RABGAP1L: variants seen among roughly 807,000 people sequenced by gnomAD.
The protein encoded by RABGAP1L is rab GTPase-activating protein 1-like.
Under a neutral mutation model 137.7 loss-of-function variants are expected in RABGAP1L, and 63 were observed. The observed-to-expected ratio is 0.46, with a 90% CI of 0.37 to 0.56. RABGAP1L has a LOEUF of 0.56. Ranked by LOEUF, RABGAP1L falls within the 20% of genes least tolerant of loss-of-function variation. The probability of loss-of-function intolerance (pLI) is 0.00; values close to 1 mark genes in which losing one functional copy is unlikely to be tolerated. For synonymous variants in RABGAP1L, 431 were observed against 433.7 expected, an observed-to-expected ratio of 0.99 and a Z score of 0.08; for missense variants, 1,095 against 1,244.0, an observed-to-expected ratio of 0.88 and a Z score of 1.80.
At chr1:174,586,099 C>G (rs1025150676) in intron 13 of RABGAP1L, among the ~76,000 whole-genome samples, 1 of 151,972 alleles carries the variant, frequency 6.6e-6, no homozygotes, top group African/African-American at 2.4e-5. Flanking sequence ...GCACTATTCA[C>G]AATAACAAAG....
rs368796964 is a variant in RABGAP1L at position 174,934,398 on chromosome 1, A to G, written c.2341-23059A>G. On this transcript the variant is annotated intron_variant, in intron 19 of 25. Coordinates refer to ENST00000681986, the MANE Select transcript of RABGAP1L (RefSeq NM_001366446.1). Reference sequence around the variant, plus strand: ...CACCACGCCCGGCCGAAAGTTGTACAGTTTTTACTTATTTTAAGCTCACAT... The same window carrying G: ...CACCACGCCCGGCCGAAAGTTGTACGGTTTTTACTTATTTTAAGCTCACAT... Among the ~76,000 whole-genome samples, 12 of 152,184 alleles carry G rather than the reference A, an allele frequency of 7.9e-5. No individual in the cohort carries two copies. The East Asian group carries it at 1.4e-3, about 17-fold the overall frequency.
intron 11 of RABGAP1L, among the ~76,000 whole-genome samples, chr1:174,368,373 T>C (rs1460828973): frequency 1.3e-5 from 2 of 152,232 alleles, no homozygotes; most frequent in East Asian, 3.8e-4. Context: ...TCAAATGATA[T>C]ATTAACTTAG....
At chr1:174,369,570 T>C (rs539111815) in intron 11 of RABGAP1L, among the ~76,000 whole-genome samples, 19 of 152,350 alleles carry the variant, frequency 1.2e-4, no homozygotes, top group African/African-American at 4.3e-4. Flanking sequence ...GATAGTTGTT[T>C]ACATGGGATA....
chr1:174,805,320 GACTTT>G (rs1689181869), intron 18 of RABGAP1L, among the ~76,000 whole-genome samples: 1 of 152,094 alleles, frequency 6.6e-6, no homozygotes, highest in African/African-American at 2.4e-5. Context: ...TTGTTTAAAT[GACTTT>G]ACTTTTATCT....
At chr1:174,674,077 T>C (rs1677390894) in intron 14 of RABGAP1L, among the ~76,000 whole-genome samples, 1 of 151,988 alleles carries the variant, frequency 6.6e-6, no homozygotes, top group South Asian at 2.1e-4. Context: ...TTTTTTCTTT[T>C]TTTTTTCTTT....
chr1:174,974,542 A>G (rs1670479063), intron 21 of RABGAP1L, among the ~76,000 whole-genome samples: 1 of 152,182 alleles, frequency 6.6e-6, no homozygotes, highest in African/African-American at 2.4e-5. Context: ...TTCATATTGC[A>G]TTCTCAAGGT....
At chr1:174,210,758 A>G (rs1668827910) in intron 1 of RABGAP1L, among the ~76,000 whole-genome samples, 1 of 152,194 alleles carries the variant, frequency 6.6e-6, no homozygotes, top group Non-Finnish European at 1.5e-5. Context: ...TAGAACACCA[A>G]GCAGATTTAA....
intron 19 of RABGAP1L, among the ~76,000 whole-genome samples, chr1:174,853,285 A>G (rs1421737882): frequency 1.3e-5 from 2 of 151,014 alleles, no homozygotes; most frequent in African/African-American, 2.4e-5. Context: ...GTCAAATTAT[A>G]TATTATACTG....
intron 11 of RABGAP1L, among the ~76,000 whole-genome samples, chr1:174,351,293 T>G (rs1002682025): frequency 6.6e-6 from 1 of 152,204 alleles, no homozygotes; most frequent in Admixed American, 6.5e-5. Context: ...AATTTCTTAT[T>G]GTTCATTAAT....
At chr1:174,648,298 G>A (rs1210089704) in intron 14 of RABGAP1L, among the ~76,000 whole-genome samples, 2 of 151,922 alleles carry the variant, frequency 1.3e-5, no homozygotes, top group Non-Finnish European at 2.9e-5. Flanking sequence ...TGTGATGTTA[G>A]GGTGTCAATT....
chr1:174,411,231 C>T (rs1346862117), intron 13 of RABGAP1L, among the ~76,000 whole-genome samples: 1 of 152,060 alleles, frequency 6.6e-6, no homozygotes, highest in Non-Finnish European at 1.5e-5. Flanking sequence ...GCCTTTCTTT[C>T]TCTTGCCTGA....
intron 14 of RABGAP1L, among the ~76,000 whole-genome samples, chr1:174,662,146 C>T (rs1676431896): frequency 6.9e-6 from 1 of 145,684 alleles, no homozygotes; most frequent in African/African-American, 2.6e-5. Context: ...CTCTGTCGCC[C>T]AGGCTGTAGT....
intron 13 of RABGAP1L, among the ~76,000 whole-genome samples, chr1:174,624,078 G>A (rs1672754571): frequency 6.6e-6 from 1 of 152,150 alleles, no homozygotes; most frequent in Non-Finnish European, 1.5e-5. Context: ...CTGTATCCTG[G>A]TTCTCTCTCA....
chr1:174,171,982 C>T (rs1293254069), intron 1 of RABGAP1L, among the ~76,000 whole-genome samples: 3 of 152,008 alleles, frequency 2.0e-5, no homozygotes, highest in African/African-American at 7.3e-5. Context: ...GCCTGGGCGA[C>T]AGAGTGAGAC....
chr1:174,734,759 G>A (rs932301498), intron 17 of RABGAP1L, among the ~76,000 whole-genome samples: 5 of 152,106 alleles, frequency 3.3e-5, no homozygotes, highest in Admixed American at 1.3e-4. Flanking sequence ...CATATCATGG[G>A]TTGACCTTCG....
At chr1:174,205,999 C>G (rs942750305) in intron 1 of RABGAP1L, among the ~76,000 whole-genome samples, 1 of 152,154 alleles carries the variant, frequency 6.6e-6, no homozygotes, top group South Asian at 2.1e-4. Flanking sequence ...GGTTAAGACC[C>G]TTTTTCTTGT....
At chr1:174,383,796 G>A (rs1023701864) in intron 12 of RABGAP1L, among the ~76,000 whole-genome samples, 1 of 151,756 alleles carries the variant, frequency 6.6e-6, no homozygotes, top group African/African-American at 2.4e-5. Context: ...GTTCCTATTC[G>A]GCCATCTTGG....
At chr1:174,425,968 T>A (rs1398191583) in intron 13 of RABGAP1L, among the ~76,000 whole-genome samples, 1 of 152,084 alleles carries the variant, frequency 6.6e-6, no homozygotes, top group Non-Finnish European at 1.5e-5. Flanking sequence ...TAAATAAGTT[T>A]CTTCTATTTA....
At chr1:174,783,962 C>T (rs1464849771) in intron 18 of RABGAP1L, among the ~76,000 whole-genome samples, 1 of 150,184 alleles carries the variant, frequency 6.7e-6, no homozygotes, top group African/African-American at 2.4e-5. Flanking sequence ...CCCGCCTCGC[C>T]CTCCTAGAGT....
Sources: gnomAD v4.1 joint callset for allele counts (sites outside exome capture counted in the v4.1 genomes callset) on GRCh38, gnomAD v4.1.1 for gene constraint, MANE v1.5 for transcripts, NCBI Gene and HGNC (gene_info 2026-07-23, HGNC 2026-07-21) for gene names.